The following MICU1 variants were observed in gnomAD, a reference collection of about 807,000 sequenced individuals.
MICU1 encodes the protein calcium uptake protein 1, mitochondrial.
MICU1 carries 45 observed loss-of-function variants against 56.8 expected under a neutral mutation model. The observed-to-expected ratio is 0.79, with a 90% CI of 0.62 to 1.02. The LOEUF is 1.02. Among genes scored for constraint, MICU1 ranks in the 50% least tolerant of loss-of-function variants. The probability of loss-of-function intolerance (pLI) is 0.00; values close to 1 mark genes in which losing one functional copy is unlikely to be tolerated. For synonymous variants in MICU1, 186 were observed against 195.1 expected (o/e 0.95, Z 0.39); for missense variants, 504 against 587.1 (o/e 0.86, Z 1.46).
At chr10:72,493,232 C>T (rs565684785) in intron 6 of MICU1, among the ~76,000 whole-genome samples, 2 of 152,218 alleles carry the variant, frequency 1.3e-5, no homozygotes, top group East Asian at 1.9e-4. Context: ...CATACACACA[C>T]AATTTTTCCC....
At chr10:72,402,044 C>G (rs923469469) in intron 10 of MICU1, among the ~76,000 whole-genome samples, 1 of 151,994 alleles carries the variant, frequency 6.6e-6, no homozygotes, top group Non-Finnish European at 1.5e-5. Flanking sequence ...CAGCCCCTAG[C>G]AGGACAGGAC....
chr10:72,576,326 A>C (rs570658279), intron 1 of MICU1, among the ~76,000 whole-genome samples: 95 of 152,106 alleles, frequency 6.2e-4, no homozygotes, highest in African/African-American at 2.2e-3. Context: ...GCCAAGCTGC[A>C]AATGCAGAGG....
intron 8 of MICU1, among the ~76,000 whole-genome samples, chr10:72,445,943 C>T (rs1275020853): frequency 6.6e-6 from 1 of 152,008 alleles, no homozygotes; most frequent in African/African-American, 2.4e-5. Flanking sequence ...TCCTAAGATG[C>T]ATTTACTTTT....
intron 5 of MICU1, among the ~76,000 whole-genome samples, chr10:72,521,554 T>C (rs938557711): frequency 1.3e-5 from 2 of 152,070 alleles, no homozygotes; most frequent in African/African-American, 4.8e-5. Context: ...TAAGTCCTTA[T>C]TGCATACTAT....
intron 3 of MICU1, among the ~76,000 whole-genome samples, chr10:72,559,264 G>C (rs1840232918): frequency 6.6e-6 from 1 of 152,028 alleles, no homozygotes; most frequent in Admixed American, 6.6e-5. Context: ...GATGGAAGAT[G>C]GGGGAGGAAA....
At chr10:72,599,927 G>A (rs1450240493) in intron 1 of MICU1, among the ~76,000 whole-genome samples, 3 of 152,124 alleles carry the variant, frequency 2.0e-5, no homozygotes, top group Non-Finnish European at 4.4e-5. Context: ...AAGAAGAAAA[G>A]AATCATATGC....
At chr10:72,440,719 C>T (rs1311932749) in intron 8 of MICU1, among the ~76,000 whole-genome samples, 2 of 152,088 alleles carry the variant, frequency 1.3e-5, no homozygotes, top group Non-Finnish European at 2.9e-5. Flanking sequence ...AACAAACAAT[C>T]CCATCAAAAA....
intron 1 of MICU1, among the ~76,000 whole-genome samples, chr10:72,571,647 G>C (rs1346144526): frequency 2.6e-5 from 4 of 152,206 alleles, no homozygotes; most frequent in Admixed American, 1.3e-4. Context: ...AAGGCAGAGA[G>C]AGCTGACAGG....
chr10:72,523,947 C>A, intron 5 of MICU1: 1 of 1,410,118 alleles, frequency 7.1e-7, no homozygotes, highest in Non-Finnish European at 9.2e-7. Flanking sequence ...TCTAGGTGTC[C>A]CATTTGTTTC....
chr10:72,487,649 A>G (rs1217534999), intron 6 of MICU1, among the ~76,000 whole-genome samples: 1 of 152,182 alleles, frequency 6.6e-6, no homozygotes, highest in Non-Finnish European at 1.5e-5. Flanking sequence ...GAGAATGATA[A>G]TATCTCCTCG....
chr10:72,482,347 T>A (rs1866326712), intron 6 of MICU1, among the ~76,000 whole-genome samples: 1 of 152,212 alleles, frequency 6.6e-6, no homozygotes, highest in Non-Finnish European at 1.5e-5. Context: ...TTGGTTTGAT[T>A]CTCCTATCAA....
At chr10:72,382,255 G>A (rs905890935) in intron 10 of MICU1, among the ~76,000 whole-genome samples, 2 of 150,448 alleles carry the variant, frequency 1.3e-5, no homozygotes, top group Admixed American at 1.3e-4. Context: ...GATTACAGGT[G>A]CCTGCCACCA....
Position 72,423,134 on chromosome 10 carries a change from G to C in MICU1, c.1071+100C>G, listed in dbSNP as rs1040699790. 13 of 1,450,306 alleles carry C rather than the reference G, an allele frequency of 9.0e-6. No individual in the cohort carries two copies. The African/African-American group carries it at 1.7e-4, about 19-fold the overall frequency. 89.8% of individuals were successfully genotyped at this position (1,450,306 alleles called of 1,614,324 possible). A position where few individuals can be genotyped will look rare whatever the true frequency, so the allele number is the denominator to read the frequency against. On this transcript the variant is annotated intron_variant, in intron 9 of 11. Coordinates refer to ENST00000361114, the MANE Select transcript of MICU1 (RefSeq NM_001195518.2). ...CAGAAATGAATTAGGTGTAATCATT[G>C]GTTCATGAAATACTCTCATCATTAT...
intron 4 of MICU1, among the ~76,000 whole-genome samples, chr10:72,547,083 C>T (rs930710304): frequency 8.6e-5 from 13 of 151,932 alleles, no homozygotes; most frequent in African/African-American, 2.2e-4. Context: ...TTAGTACAGA[C>T]GAGGTTTCAC....
At chr10:72,478,043 AT>A (rs1175307007) in intron 6 of MICU1, among the ~76,000 whole-genome samples, 1 of 151,800 alleles carries the variant, frequency 6.6e-6, no homozygotes, top group Non-Finnish European at 1.5e-5. Context: ...TAATTTTTGT[AT>A]TTTTAGCAGA....
At chr10:72,498,163 T>G (rs1866908642) in intron 6 of MICU1, among the ~76,000 whole-genome samples, 1 of 152,202 alleles carries the variant, frequency 6.6e-6, no homozygotes, top group Non-Finnish European at 1.5e-5. Context: ...ATTGGACAAG[T>G]CAGATGAGAA....
At chr10:72,563,500 A>C (rs1227234278) in intron 2 of MICU1, among the ~76,000 whole-genome samples, 2 of 152,336 alleles carry the variant, frequency 1.3e-5, no homozygotes, top group African/African-American at 2.4e-5. Context: ...GTATGACTTC[A>C]CTTACATGAG....
At chr10:72,495,817 TCTAA>T (rs1301822378) in intron 6 of MICU1, among the ~76,000 whole-genome samples, 2 of 152,060 alleles carry the variant, frequency 1.3e-5, no homozygotes, top group African/African-American at 2.4e-5. Flanking sequence ...ATTTAGACAG[TCTAA>T]CTAATTTTCT....
intron 8 of MICU1, among the ~76,000 whole-genome samples, chr10:72,453,479 C>T (rs1478482188): frequency 8.4e-6 from 1 of 118,508 alleles, no homozygotes. Context: ...AGTACAATTT[C>T]CACAGCATTG....
Sources: allele counts gnomAD v4.1 joint callset (sites outside exome capture counted in the v4.1 genomes callset), GRCh38; gene constraint gnomAD v4.1.1; transcripts MANE v1.5; gene names NCBI Gene and HGNC (gene_info 2026-07-23, HGNC 2026-07-21).